ADAMTS20: variants seen among roughly 807,000 people sequenced by gnomAD.
ADAMTS20 encodes ADAM metallopeptidase with thrombospondin type 1 motif 20.
In ADAMTS20, 225 loss-of-function variants were observed where a neutral mutation model predicts 260.1. The ratio of observed to expected loss-of-function variants is 0.87; its 90% CI spans 0.78 to 0.97. The LOEUF is 0.97. ADAMTS20 is among the 50% of genes least tolerant of loss of function. The pLI is 0.00. For synonymous variants in ADAMTS20, 802 were observed against 769.5 expected (o/e 1.04, Z -0.70); for missense variants, 2,400 against 2,337.7 (o/e 1.03, Z -0.55).
At chr12:43,501,463 G>GCA (rs1289889585) in intron 4 of ADAMTS20, among the ~76,000 whole-genome samples, 2 of 41,348 alleles carry the variant, frequency 4.8e-5, no homozygotes, top group Non-Finnish European at 9.1e-5. Context: ...AGGGGGATAC[G>GCA]CGCGCGCGCG....
At chr12:43,527,473 A>T (rs1289785961) in intron 3 of ADAMTS20, among the ~76,000 whole-genome samples, 2 of 152,200 alleles carry the variant, frequency 1.3e-5, no homozygotes, top group Non-Finnish European at 1.5e-5. Flanking sequence ...CCAAAAAGAC[A>T]TCAAAAAGAT....
rs370946000 is a variant in ADAMTS20, at chr12:43,443,879, A to G, written c.2202T>C (p.Tyr734=). ...CTGCGGGAATCTTTACAACAACATT[A>G]TAACCTGCAATATAATTTTACATAT... ...TGVFNSSHYG[Y]NVVVKIPAGA... is the part of the protein sequence containing the mutation. Residue 734 remains tyrosine (Y), a synonymous_variant, in exon 16 of 39, where the codon TAT becomes TAC. Coordinates refer to ENST00000389420, the MANE Select transcript of ADAMTS20 (RefSeq NM_025003.5). 3.1e-6 allele frequency: 5 copies of G among 1,611,990 alleles called. No homozygotes were observed. The highest frequency in any genetic ancestry group is 1.7e-5 in the Admixed American group (1 of 59,984).
intron 2 of ADAMTS20, among the ~76,000 whole-genome samples, chr12:43,547,034 T>C (rs1943449772): frequency 6.6e-6 from 1 of 152,030 alleles, no homozygotes; most frequent in Admixed American, 6.6e-5. Flanking sequence ...GAGAAAAACA[T>C]AAATACCAAA....
rs775921157 is a variant in ADAMTS20 at position 43,432,810 on chromosome 12, A to C, written c.2722T>G (p.Trp908Gly). ...CATTCACTTTTGCCAATAACATGCC[A>C]CCTTGAAAAAAGATGTTACTATACT... ...QSCNTDCELR[W>G]HVIGKSECSS... Residue 908 changes from tryptophan (W) to glycine (G), a missense_variant and splice_region_variant, in exon 20 of 39, where the codon TGG (tryptophan) becomes GGG (glycine). Coordinates refer to ENST00000389420, the MANE Select transcript of ADAMTS20 (RefSeq NM_025003.5). 6.2e-7 allele frequency: 1 copy of C among 1,612,414 alleles called. No individual in the cohort carries two copies. Among genetic ancestry groups the C allele is most frequent in the Non-Finnish European group, 8.5e-7 (1 of 1,178,538 alleles).
chr12:43,437,666 G>T (rs867465430), intron 18 of ADAMTS20, among the ~76,000 whole-genome samples: 21 of 152,156 alleles, frequency 1.4e-4, no homozygotes, highest in Admixed American at 1.4e-3. Context: ...GATATGAAAG[G>T]TCTCAAAAAT....
At position 43,493,979 on chromosome 12, in the gene ADAMTS20, T is replaced by C. The variant is rs562534462; in HGVS notation, c.868-726A>G. On this transcript the variant is annotated intron_variant, in intron 4 of 38. Coordinates refer to ENST00000389420, the MANE Select transcript of ADAMTS20 (RefSeq NM_025003.5). ...TCTGCATGGGCTCATTTATGATTCA[T>C]GATCAAAGTGCCATCCCATTCGCTA... is the stretch of plus-strand genomic sequence containing the variant. 6.6e-4 allele frequency among the ~76,000 whole-genome samples: 101 copies of C among 152,308 alleles called. 1 individual carries two copies. The highest frequency in any genetic ancestry group is 2.3e-3 in the African/African-American group (95 of 41,582).
In ADAMTS20 at chr12:43,354,163, C is replaced by A. The variant is rs1000773381; in HGVS notation, c.*46G>T. On this transcript the variant is annotated 3_prime_UTR_variant, in exon 39 of 39. Transcript: ENST00000389420. ...AATGAGCACCAGTTATTTGAATATT[C>A]CAGAGAATATCCCCTCTTTAGGGCA... is the stretch of plus-strand genomic sequence containing the variant. 7.3e-6 allele frequency: 10 copies of A among 1,369,356 alleles called. No individual in the cohort carries two copies. The African/African-American group carries it at 1.5e-4, about 20-fold the overall frequency. 84.8% of individuals were successfully genotyped at this position (1,369,356 alleles called of 1,614,324 possible).
chr12:43,519,581 A>G (rs1419758885), intron 3 of ADAMTS20, among the ~76,000 whole-genome samples: 1 of 151,898 alleles, frequency 6.6e-6, no homozygotes, highest in Admixed American at 6.6e-5. Context: ...TCAATGTCCA[A>G]CTCCACTCTC....
chr12:43,522,936 G>T (rs1326248676), intron 3 of ADAMTS20, among the ~76,000 whole-genome samples: 1 of 152,214 alleles, frequency 6.6e-6, no homozygotes. Flanking sequence ...ACCATGAATT[G>T]TAATATTTTA....
chr12:43,400,452 A>G (rs1940787133), intron 28 of ADAMTS20, among the ~76,000 whole-genome samples: 1 of 152,052 alleles, frequency 6.6e-6, no homozygotes, highest in African/African-American at 2.4e-5. Flanking sequence ...ATTGATTATT[A>G]AGAACTATTA....
intron 15 of ADAMTS20, among the ~76,000 whole-genome samples, chr12:43,446,178 C>T (rs1439029155): frequency 2.0e-5 from 3 of 152,066 alleles, no homozygotes; most frequent in South Asian, 2.1e-4. Context: ...TAGGTCAAGT[C>T]ATACCAAAAA....
intron 18 of ADAMTS20, 45 bp from the exon 19 acceptor site, chr12:43,434,416 CA>C (rs1565696780): frequency 6.5e-7 from 1 of 1,528,036 alleles, no homozygotes; most frequent in East Asian, 2.4e-5. Flanking sequence ...GAAAAATTCA[CA>C]GTTAGATGTT....
In ADAMTS20 at chr12:43,452,318, A is replaced by G; in HGVS notation, c.2035T>C (p.Cys679Arg). ...LKDMVEDGTP[C>R]GTETHDICVQ... ...CAGATGTCATGAGTTTCAGTTCCAC[A>G]AGGAGTACCATCTTCAACCATATCC... The change falls in exon 14 of 39, where the codon TGT becomes CGT. Residue 679 changes from cysteine to arginine, a missense_variant. Transcript: ENST00000389420. 1 of 1,613,230 alleles carries G rather than the reference A, an allele frequency of 6.2e-7. No homozygotes were observed. The highest frequency in any genetic ancestry group is 8.5e-7 in the Non-Finnish European group (1 of 1,179,506).
rs369209384 is a variant in ADAMTS20, at chr12:43,462,896, A to G, written c.1613T>C (p.Met538Thr). The G allele has an allele frequency of 6.2e-7, 1 of 1,600,550 alleles. No individual in the cohort carries two copies. Among genetic ancestry groups the G allele is most frequent in the Non-Finnish European group, 8.5e-7 (1 of 1,172,532 alleles). ...GACTCACCCTTCAAGAAAACCTACC[A>G]TTCCAGGACCGCAGTCTGTTCCATC... ...PADGTDCGPGMHCRHGLCVNK... is the reference protein window; with the variant it reads ...PADGTDCGPGTHCRHGLCVNK... Residue 538 changes from methionine to threonine, a missense_variant and splice_region_variant, in exon 11 of 39, where the codon ATG becomes ACG. By Grantham distance (81) the Met-to-Thr change is moderately conservative. Coordinates refer to ENST00000389420, the MANE Select transcript of ADAMTS20 (RefSeq NM_025003.5).
At chr12:43,369,166 T>G in intron 37 of ADAMTS20, 124 bp downstream of exon 37, 5 of 498,256 alleles carry the variant, frequency 1.0e-5, no homozygotes, top group East Asian at 3.8e-5. Context: ...ACAAAGCGCA[T>G]ATGTGAAGTT....
intron 24 of ADAMTS20, 143 bp downstream of exon 24, chr12:43,429,474 T>C (rs906379560): frequency 1.8e-4 from 101 of 570,638 alleles, no homozygotes; most frequent in Non-Finnish European, 2.0e-4. Context: ...CATTAATTCC[T>C]AATTCTAAAC....
At chr12:43,360,897 CCA>C (rs1939853063) in intron 37 of ADAMTS20, among the ~76,000 whole-genome samples, 2 of 152,174 alleles carry the variant, frequency 1.3e-5, no homozygotes, top group African/African-American at 2.4e-5. Flanking sequence ...TGGATGCTGG[CCA>C]AGACCCACTG....
chr12:43,457,270 G>C (rs1332292528), intron 11 of ADAMTS20, among the ~76,000 whole-genome samples: 1 of 151,908 alleles, frequency 6.6e-6, no homozygotes, highest in African/African-American at 2.4e-5. Flanking sequence ...TGACAACTTA[G>C]TGTTGGAATG....
intron 11 of ADAMTS20, among the ~76,000 whole-genome samples, chr12:43,460,633 G>C (rs1942042312): frequency 6.6e-6 from 1 of 152,044 alleles, no homozygotes; most frequent in African/African-American, 2.4e-5. Context: ...GTACAGGGAT[G>C]TTCATGGCAG....
Sources: allele counts gnomAD v4.1 joint callset (sites outside exome capture counted in the v4.1 genomes callset), GRCh38; gene constraint gnomAD v4.1.1; transcripts MANE v1.5; gene names NCBI Gene and HGNC (gene_info 2026-07-23, HGNC 2026-07-21).